ACTR2: variants seen among roughly 807,000 people sequenced by gnomAD.
ACTR2 encodes the protein actin-related protein 2.
In ACTR2, 5 loss-of-function variants were observed where a neutral mutation model predicts 50.2. That is an observed-to-expected ratio of 0.10 (90% CI 0.05 to 0.21). ACTR2 has a LOEUF of 0.21. ACTR2 is among the 10% of genes least tolerant of loss of function. The pLI is 1.00. For synonymous variants in ACTR2, 140 were observed against 162.9 expected, an observed-to-expected ratio of 0.86 and a Z score of 1.07; for missense variants, 180 against 480.6, an observed-to-expected ratio of 0.37 and a Z score of 5.85.
At chr2:65,236,322 C>T (rs1330143175) in intron 1 of ACTR2, among the ~76,000 whole-genome samples, 4 of 143,410 alleles carry the variant, frequency 2.8e-5, no homozygotes, top group African/African-American at 8.0e-5. Context: ...GGTGACAGAG[C>T]GAGACTCCAT....
intron 5 of ACTR2, among the ~76,000 whole-genome samples, chr2:65,255,280 T>G (rs1672129199): frequency 6.6e-6 from 1 of 152,246 alleles, no homozygotes; most frequent in African/African-American, 2.4e-5. Context: ...AAAACATTAG[T>G]ACTCATGCAG....
At chr2:65,252,644 C>CA (rs957847405) in intron 4 of ACTR2, among the ~76,000 whole-genome samples, 12 of 150,324 alleles carry the variant, frequency 8.0e-5, no homozygotes, top group African/African-American at 2.7e-4. Context: ...GACTCTGTCT[C>CA]AAAAAAAATA....
intron 6 of ACTR2, among the ~76,000 whole-genome samples, chr2:65,257,806 A>G (rs182965918): frequency 5.9e-5 from 9 of 152,200 alleles, no homozygotes; most frequent in African/African-American, 2.2e-4. Context: ...TTTTTCTGGT[A>G]AATTTGTTTA....
intron 4 of ACTR2, among the ~76,000 whole-genome samples, chr2:65,251,932 T>G (rs1214393434): frequency 6.6e-6 from 1 of 152,124 alleles, no homozygotes; most frequent in Non-Finnish European, 1.5e-5. Context: ...AGAGCTCTTT[T>G]TTTTTTTTAT....
intron 2 of ACTR2, 67 bp from the exon 3 acceptor site, chr2:65,246,457 A>T: frequency 9.1e-7 from 1 of 1,094,428 alleles, no homozygotes; most frequent in Non-Finnish European, 1.3e-6. Context: ...TATTAAAATT[A>T]ATTATTCCCA....
intron 4 of ACTR2, 25 bp from the exon 5 acceptor site, chr2:65,253,703 T>G: frequency 1.2e-6 from 2 of 1,603,134 alleles, no homozygotes; most frequent in Non-Finnish European, 8.5e-7. Context: ...GACTTTTTAT[T>G]TAAATCCCCC....
Position 65,238,694 on chromosome 2 carries a change from C to T in ACTR2, c.49-1158C>T, listed in dbSNP as rs562552969. ...AAAAAAGTAAATAGCTAGCCAGGCGCGGTGACTCAACGCCTGCAATCCCAG... is the reference window on the plus strand; with the variant it reads ...AAAAAAGTAAATAGCTAGCCAGGCGTGGTGACTCAACGCCTGCAATCCCAG... On this transcript the variant is annotated intron_variant, in intron 1 of 8. Coordinates refer to ENST00000260641, the MANE Select transcript of ACTR2 (RefSeq NM_005722.4). Among the ~76,000 whole-genome samples the T allele has an allele frequency of 4.8e-5, 7 of 145,166 alleles. No individual in the cohort carries two copies. The East Asian group carries it at 8.4e-4, about 17-fold the overall frequency.
At chr2:65,239,987 G>A (rs767491284) in intron 2 of ACTR2, 25 bp downstream of exon 2, 6 of 1,422,474 alleles carry the variant, frequency 4.2e-6, no homozygotes, top group Non-Finnish European at 5.0e-6. Context: ...ATTGATAAAT[G>A]ATAATCAAGA....
At chr2:65,266,793 A>T (rs1375953795) in intron 8 of ACTR2, among the ~76,000 whole-genome samples, 2 of 152,196 alleles carry the variant, frequency 1.3e-5, no homozygotes, top group Non-Finnish European at 2.9e-5. Flanking sequence ...TAGGATTGCC[A>T]TGCAGCAGGA....
chr2:65,255,626 G>A lies in ACTR2; in HGVS notation c.667G>A (p.Val223Met), dbSNP rs1672136237. The part of the protein sequence containing the change: ...VRMIKEKLCY[V>M]GYNIEQEQKL... ...CATGATTAAAGAAAAACTGTGTTAC[G>A]TGGGATATAATATTGAGCAAGAGCA... The change falls in exon 6 of 9, where the codon GTG becomes ATG. Residue 223 changes from valine to methionine, a missense_variant. Coordinates refer to ENST00000260641, the MANE Select transcript of ACTR2 (RefSeq NM_005722.4). 3 of 1,613,918 alleles carry A rather than the reference G, an allele frequency of 1.9e-6. No homozygotes were observed. Among genetic ancestry groups the A allele is most frequent in the Admixed American group, 1.7e-5 (1 of 59,998 alleles).
chr2:65,258,056 C>T (rs537616721), intron 6 of ACTR2, among the ~76,000 whole-genome samples: 2 of 152,290 alleles, frequency 1.3e-5, no homozygotes, highest in South Asian at 4.1e-4. Context: ...AGGTTTTCTT[C>T]TAGGAGTAAA....
intron 2 of ACTR2, among the ~76,000 whole-genome samples, chr2:65,243,285 G>A (rs1204246508): frequency 6.6e-6 from 1 of 151,850 alleles, no homozygotes; most frequent in African/African-American, 2.4e-5. Context: ...TCAAAAAAAA[G>A]AAAAGAAAAG....
At chr2:65,229,681 G>T (rs1671598016) in intron 1 of ACTR2, among the ~76,000 whole-genome samples, 1 of 149,766 alleles carries the variant, frequency 6.7e-6, no homozygotes, top group African/African-American at 2.5e-5. Context: ...GCTTGAACCC[G>T]GTAGGCGGAG....
intron 3 of ACTR2, among the ~76,000 whole-genome samples, chr2:65,250,165 C>G (rs1672016837): frequency 6.6e-6 from 1 of 151,066 alleles, no homozygotes; most frequent in Non-Finnish European, 1.5e-5. Context: ...GAGATGGAGA[C>G]CATCCTGGCT....
At position 65,251,130 on chromosome 2, in the gene ACTR2, C is replaced by G. The variant is rs1165776256; in HGVS notation, c.448+31C>G. ...TTAAGCTTAACTGTTAGAAAAAACA[C>G]TTCATCAAACATTTATTATGTATGT... On this transcript the variant is annotated intron_variant, in intron 4 of 8. Coordinates refer to ENST00000260641, the MANE Select transcript of ACTR2 (RefSeq NM_005722.4). The G allele has an allele frequency of 3.4e-6, 5 of 1,456,762 alleles. No individual in the cohort carries two copies. In the East Asian group the frequency reaches 9.3e-5, roughly 27 times the overall value. 90.2% of individuals were successfully genotyped at this position (1,456,762 alleles called of 1,614,324 possible). A position where few individuals can be genotyped will look rare whatever the true frequency, so the allele number is the denominator to read the frequency against.
At position 65,246,647 on chromosome 2, in the gene ACTR2, C is replaced by T. The variant is rs746870357; in HGVS notation, c.283C>T (p.Pro95Ser). Reference sequence around the variant, plus strand: ...ACACCTGTGGGACTACACATTTGGACCAGAGAAACTTAATATAGATACCAG... The same window carrying T: ...ACACCTGTGGGACTACACATTTGGATCAGAGAAACTTAATATAGATACCAG... ...MKHLWDYTFG[P>S]EKLNIDTRNC... The change falls in exon 3 of 9, where the codon CCA becomes TCA. Residue 95 changes from proline to serine, a missense_variant. Physicochemically the swap from Pro to Ser is moderately conservative, Grantham distance 74 (BLOSUM62 -1). Transcript: ENST00000260641. 3.1e-6 allele frequency: 5 copies of T among 1,613,376 alleles called. No individual in the cohort carries two copies. The highest frequency in any genetic ancestry group is 1.3e-5 in the African/African-American group (1 of 74,956).
intron 1 of ACTR2, among the ~76,000 whole-genome samples, chr2:65,236,246 G>A (rs145144545): frequency 0.01 from 1,586 of 151,186 alleles, 37 homozygotes; most frequent in African/African-American, 0.036. Context: ...GGCTGAGGCA[G>A]AATTGCTGGA....
intron 7 of ACTR2, among the ~76,000 whole-genome samples, chr2:65,261,773 A>T (rs1050159438): frequency 6.6e-6 from 1 of 152,228 alleles, no homozygotes; most frequent in East Asian, 1.9e-4. Flanking sequence ...TTGCTGGATC[A>T]TATGGTAGTT....
intron 8 of ACTR2, among the ~76,000 whole-genome samples, chr2:65,266,948 T>A (rs1039124672): frequency 6.6e-6 from 1 of 152,142 alleles, no homozygotes. Context: ...TGGAATGATC[T>A]GATAGAATGA....
Sources: allele counts gnomAD v4.1 joint callset (sites outside exome capture counted in the v4.1 genomes callset), GRCh38; gene constraint gnomAD v4.1.1; transcripts MANE v1.5; gene names NCBI Gene and HGNC (gene_info 2026-07-23, HGNC 2026-07-21).